Variants in SMC1B observed in about 807,000 individuals in gnomAD.
SMC1B encodes structural maintenance of chromosomes protein 1B.
Under a neutral mutation model 157.9 loss-of-function variants are expected in SMC1B, and 60 were observed. The observed-to-expected ratio is 0.38, with a 90% CI of 0.31 to 0.47. The LOEUF (loss-of-function observed/expected upper bound fraction) is 0.47. SMC1B is among the 20% of genes least tolerant of loss of function. The pLI, the probability that SMC1B is intolerant of heterozygous loss-of-function variation, is 0.99. For synonymous variants in SMC1B, 445 were observed against 483.0 expected (o/e 0.92, Z 1.03); for missense variants, 1,165 against 1,426.2 (o/e 0.82, Z 2.95).
Position 45,386,982 on chromosome 22 carries a change from T to G in SMC1B, c.1796A>C (p.Lys599Thr). The stretch of plus-strand genomic sequence containing the variant: ...TTTCTTCAGCTGAGGAAACTGAGTC[T>G]TTATGACATCAATCACCATTTTACA... Reference protein sequence around the residue: ...KGCKMVIDVIKTQFPQLKKVI... With the variant: ...KGCKMVIDVITTQFPQLKKVI... Residue 599 changes from lysine to threonine, a missense_variant, in exon 11 of 25, where the codon AAG (lysine) becomes ACG (threonine). Transcript: ENST00000357450. 1 of 1,614,064 alleles carries G rather than the reference T, an allele frequency of 6.2e-7. No individual in the cohort carries two copies. The highest frequency in any genetic ancestry group is 1.1e-5 in the South Asian group (1 of 91,084).
chr22:45,381,034 G>T (rs931018477), intron 12 of SMC1B, among the ~76,000 whole-genome samples: 1 of 150,816 alleles, frequency 6.6e-6, no homozygotes, highest in African/African-American at 2.4e-5. Context: ...GACCTCAGGT[G>T]ATCCACCCGC....
At chr22:45,344,962 C>T (rs1447526432) in intron 24 of SMC1B, among the ~76,000 whole-genome samples, 1 of 152,154 alleles carries the variant, frequency 6.6e-6, no homozygotes, top group Non-Finnish European at 1.5e-5. Context: ...ATGACCTGAA[C>T]TAGTGGCTCT....
intron 2 of SMC1B, 60 bp from the exon 3 acceptor site, chr22:45,406,925 C>A: frequency 8.5e-7 from 1 of 1,173,392 alleles, no homozygotes; most frequent in Non-Finnish European, 1.2e-6. Flanking sequence ...ACCTCAAAAT[C>A]CACCGAAAGT....
At chr22:45,360,791 G>C (rs1010387620) in intron 17 of SMC1B, among the ~76,000 whole-genome samples, 1 of 152,202 alleles carries the variant, frequency 6.6e-6, no homozygotes. Flanking sequence ...CGAACAGTGA[G>C]AAAAACTGTG....
chr22:45,369,225 T>C (rs1051757917), intron 15 of SMC1B, among the ~76,000 whole-genome samples: 51 of 151,858 alleles, frequency 3.4e-4, no homozygotes, highest in Non-Finnish European at 4.3e-4. Flanking sequence ...GCCTTCCGAG[T>C]AGCTGGGACT....
At chr22:45,371,608 T>G (rs551993537) in intron 13 of SMC1B, 21 bp from the exon 14 acceptor site, 37 of 1,570,148 alleles carry the variant, frequency 2.4e-5, no homozygotes, top group Non-Finnish European at 3.1e-5. Context: ...AAGAGAAAAA[T>G]TTTTTTAACA....
chr22:45,344,842 T>A (rs1356960244), intron 24 of SMC1B, among the ~76,000 whole-genome samples, 185 bp from the exon 25 acceptor site: 1 of 152,190 alleles, frequency 6.6e-6, no homozygotes, highest in Non-Finnish European at 1.5e-5. Context: ...CCATTACTCA[T>A]GCATTATATT....
In SMC1B at chr22:45,362,875, T is replaced by C. The variant is rs370768157; in HGVS notation, c.2562+10A>G. ...ATGAAGAGGCACTTCAGCTACCCAT[T>C]ATTAATTACCTTCTTTAGGTGATCA... is the stretch of plus-strand genomic sequence containing the variant. On this transcript the variant is annotated intron_variant, in intron 16 of 24. Coordinates refer to ENST00000357450, the MANE Select transcript of SMC1B (RefSeq NM_148674.5). 6.3e-7 allele frequency: 1 copy of C among 1,586,678 alleles called. No individual in the cohort carries two copies. The highest frequency in any genetic ancestry group is 1.4e-5 in the African/African-American group (1 of 73,598).
intron 23 of SMC1B, among the ~76,000 whole-genome samples, chr22:45,346,611 G>A (rs1019883723): frequency 3.9e-5 from 6 of 152,192 alleles, no homozygotes; most frequent in Non-Finnish European, 7.3e-5. Flanking sequence ...CATGTTTTAC[G>A]TGAGAAAGGA....
chr22:45,406,795 C>T lies in SMC1B; in HGVS notation c.369G>A (p.Lys123=). 1 of 1,597,266 alleles carries T rather than the reference C, an allele frequency of 6.3e-7. No homozygotes were observed. The highest frequency in any genetic ancestry group is 1.2e-5 in the South Asian group (1 of 86,758). Reference sequence around the variant, plus strand: ...TTTGTGCTTTGACTATTATGCCTATCTTTTCCAACTCTGCAATGTAAACAG... The same window carrying T: ...TTTGTGCTTTGACTATTATGCCTATTTTTTCCAACTCTGCAATGTAAACAG... The part of the protein sequence containing the change: ...SRSVYIAELE[K]IGIIVKAQNC... The change falls in exon 3 of 25, where the codon AAG becomes AAA. Residue 123 remains lysine (K), a synonymous_variant. Coordinates refer to ENST00000357450, the MANE Select transcript of SMC1B (RefSeq NM_148674.5).
At chr22:45,353,885 T>C (rs1029770736) in intron 21 of SMC1B, 93 bp downstream of exon 21, 41 of 813,986 alleles carry the variant, frequency 5.0e-5, no homozygotes, top group Non-Finnish European at 6.7e-5. Context: ...GCAGTGGTTA[T>C]TTCCCACCAA....
At chr22:45,383,319 A>G in intron 12 of SMC1B, 148 bp downstream of exon 12, 1 of 539,660 alleles carries the variant, frequency 1.9e-6, no homozygotes. Flanking sequence ...AGAGTAAGGG[A>G]AAGATTTTTA....
intron 17 of SMC1B, 113 bp from the exon 18 acceptor site, chr22:45,360,071 G>T: frequency 1.3e-6 from 1 of 760,234 alleles, no homozygotes. Context: ...ATTCCTGTGA[G>T]TGCTGTAAGT....
chr22:45,404,032 C>T (rs896185615), intron 4 of SMC1B, among the ~76,000 whole-genome samples: 17 of 152,176 alleles, frequency 1.1e-4, no homozygotes, highest in Non-Finnish European at 1.3e-4. Flanking sequence ...ACCTCTGCCT[C>T]TTAGCTTCAA....
At chr22:45,397,599 T>C (rs1014640878) in intron 6 of SMC1B, among the ~76,000 whole-genome samples, 2 of 152,170 alleles carry the variant, frequency 1.3e-5, no homozygotes, top group African/African-American at 2.4e-5. Flanking sequence ...TTGGTGTGCT[T>C]ACCTCTGATT....
Position 45,365,413 on chromosome 22 carries a change from T to G in SMC1B, c.2421-2387A>C, listed in dbSNP as rs146622129. ...ACTAGATGTTAGATCAATCTAAAAT[T>G]TGAGATTAGGCCGAGCATGGTGGCT... On this transcript the variant is annotated intron_variant, in intron 15 of 24. Transcript: ENST00000357450. Among the ~76,000 whole-genome samples the G allele has an allele frequency of 1.1e-4, 17 of 152,106 alleles. No individual in the cohort carries two copies. In the East Asian group the frequency reaches 2.7e-3, roughly 24 times the overall value.
intron 12 of SMC1B, among the ~76,000 whole-genome samples, chr22:45,382,950 A>G (rs9614654): frequency 0.13 from 19,151 of 152,166 alleles, 1,407 homozygotes; most frequent in East Asian, 0.32. Flanking sequence ...CCTGACCAAC[A>G]TGGAGAAACC....
intron 15 of SMC1B, among the ~76,000 whole-genome samples, chr22:45,367,565 T>G (rs1298568984): frequency 6.6e-6 from 1 of 152,204 alleles, no homozygotes; most frequent in Non-Finnish European, 1.5e-5. Context: ...CAGAGTTTCC[T>G]GGACTGGGGA....
chr22:45,349,925 A>G, intron 22 of SMC1B, 128 bp from the exon 23 acceptor site: 1 of 718,366 alleles, frequency 1.4e-6, no homozygotes, highest in Non-Finnish European at 2.3e-6. Flanking sequence ...GTAATCGGTG[A>G]CCTCTATGTT....
Sources: allele counts gnomAD v4.1 joint callset (sites outside exome capture counted in the v4.1 genomes callset), GRCh38; gene constraint gnomAD v4.1.1; transcripts MANE v1.5; gene names NCBI Gene and HGNC (gene_info 2026-07-23, HGNC 2026-07-21).